Variants in TMED2 observed in about 807,000 individuals in gnomAD.
The protein encoded by TMED2 is transmembrane emp24 domain-containing protein 2.
TMED2 carries 3 observed loss-of-function variants against 17.5 expected under a neutral mutation model. The ratio of observed to expected loss-of-function variants is 0.17; its 90% confidence interval spans 0.08 to 0.44. The LOEUF is 0.44. TMED2 is among the 20% of genes least tolerant of loss of function. The pLI is 0.99. For synonymous variants in TMED2, 95 were observed against 91.0 expected (o/e 1.04, Z -0.25); for missense variants, 149 against 254.8 (o/e 0.58, Z 2.83).
chr12:123,586,274 G>C (rs546673019), intron 1 of TMED2: 1 of 152,442 alleles, frequency 6.6e-6, no homozygotes, highest in South Asian at 2.1e-4. Flanking sequence ...TATAAAGTGG[G>C]AGAATTGCAG....
chr12:123,596,460 C>A, intron 3 of TMED2, 145 bp from the exon 4 acceptor site: 1 of 1,038,300 alleles, frequency 9.6e-7, no homozygotes, highest in Non-Finnish European at 1.3e-6. Flanking sequence ...GGGATGTAAC[C>A]CCATCGTAAG....
chr12:123,594,599 A>T (rs1478020583), intron 3 of TMED2, among the ~76,000 whole-genome samples: 1 of 151,966 alleles, frequency 6.6e-6, no homozygotes, highest in Non-Finnish European at 1.5e-5. Context: ...AAAAAATAAA[A>T]TAAATTGGCC....
Position 123,596,693 on chromosome 12 carries a change from C to T in TMED2, c.570C>T (p.Tyr190=). 6.2e-7 allele frequency: 1 copy of T among 1,610,536 alleles called. No individual in the cohort carries two copies. Among genetic ancestry groups the T allele is most frequent in the Middle Eastern group, 1.7e-4 (1 of 6,054 alleles). Reference sequence around the variant, plus strand: ...CCATGACATTGGGACAGATCTACTACCTGAAGAGATTTTTTGAAGTCCGGA... The same window carrying T: ...CCATGACATTGGGACAGATCTACTATCTGAAGAGATTTTTTGAAGTCCGGA... ...LVAMTLGQIY[Y]LKRFFEVRRV... The change falls in exon 4 of 4, where the codon TAC becomes TAT. Residue 190 remains tyrosine (Y), a synonymous_variant. Coordinates refer to ENST00000262225, the MANE Select transcript of TMED2 (RefSeq NM_006815.4).
At chr12:123,585,834 TC>T (rs1180859908) in intron 1 of TMED2, 1 of 152,242 alleles carries the variant, frequency 6.6e-6, no homozygotes, top group East Asian at 1.9e-4. Flanking sequence ...GCTAGTCCTT[TC>T]CCCTAAGCCT....
At chr12:123,593,292 GC>G (rs1396565829) in intron 3 of TMED2, among the ~76,000 whole-genome samples, 2 of 151,660 alleles carry the variant, frequency 1.3e-5, no homozygotes, top group African/African-American at 4.8e-5. Flanking sequence ...TTGCTCTGTT[GC>G]CCAGGCTGGA....
At chr12:123,595,058 A>G (rs969344605) in intron 3 of TMED2, among the ~76,000 whole-genome samples, 4 of 151,934 alleles carry the variant, frequency 2.6e-5, no homozygotes, top group South Asian at 2.1e-4. Context: ...GTGAAGCCCT[A>G]TCTCTACTAA....
intron 2 of TMED2, 171 bp downstream of exon 2, chr12:123,587,110 C>A: frequency 1.8e-6 from 1 of 543,568 alleles, no homozygotes; most frequent in Non-Finnish European, 3.0e-6. Flanking sequence ...AAAAAAGTTT[C>A]TTGAGGCTAG....
At position 123,586,953 on chromosome 12, in the gene TMED2, T is replaced by C; in HGVS notation, c.373+14T>C. The C allele has an allele frequency of 6.4e-7, 1 of 1,571,716 alleles. No homozygotes were observed. Among genetic ancestry groups the C allele is most frequent in the Non-Finnish European group, 8.6e-7 (1 of 1,156,832 alleles). ...TGGAAACAGAAGGTGAGATGAACAT[T>C]CAGAAGATTTACATCACATTCCAAG... On this transcript the variant is annotated intron_variant, in intron 2 of 3. Coordinates refer to ENST00000262225, the MANE Select transcript of TMED2 (RefSeq NM_006815.4).
intron 1 of TMED2, chr12:123,585,578 G>A (rs1291927681): frequency 6.6e-6 from 1 of 152,210 alleles, no homozygotes; most frequent in African/African-American, 2.4e-5. Flanking sequence ...TTGGGTCTAA[G>A]GAGTTTCCAT....
chr12:123,588,005 C>T (rs1385180493), intron 2 of TMED2, among the ~76,000 whole-genome samples: 1 of 152,094 alleles, frequency 6.6e-6, no homozygotes, highest in African/African-American at 2.4e-5. Context: ...GACTTCTTAA[C>T]CTGAAGCTTA....
rs1458871074 is a variant in TMED2, at chr12:123,586,783, G to A, written c.217G>A (p.Asp73Asn). 4 of 1,608,366 alleles carry A rather than the reference G, an allele frequency of 2.5e-6. No homozygotes were observed. In the African/African-American group the frequency reaches 5.4e-5, roughly 22 times the overall value. The change falls in exon 2 of 4, where the codon GAC becomes AAC. Residue 73 changes from aspartate to asparagine, a missense_variant. Asp to Asn is a conservative substitution (Grantham distance 23). Coordinates refer to ENST00000262225, the MANE Select transcript of TMED2 (RefSeq NM_006815.4). ...GPDNKGIYKG[D>N]RESSGKYTFA... The stretch of plus-strand genomic sequence containing the variant: ...AGATAACAAAGGAATTTACAAAGGA[G>A]ACAGAGAATCCAGTGGGAAATACAC...
Position 123,584,567 on chromosome 12 carries a change from C to CGGCGGCGGCGGG in TMED2, c.-59_-58insGGGCGGCGGCGG. On this transcript the variant is annotated 5_prime_UTR_variant, in exon 1 of 4. Transcript: ENST00000262225. ...GGCGGTGGCTGAGAAGGCAGCGGGG[C>CGGCGGCGGCGGG]GGCGGCGGCGGCGGCGGCGGCGGCT... 2 of 7,002 alleles carry CGGCGGCGGCGGG rather than the reference C, an allele frequency of 2.9e-4. No individual in the cohort carries two copies. Among genetic ancestry groups the CGGCGGCGGCGGG allele is most frequent in the Non-Finnish European group, 8.1e-4 (2 of 2,458 alleles). 0.4% of individuals were successfully genotyped at this position (7,002 alleles called of 1,614,324 possible).
chr12:123,594,901 T>A (rs1484426046), intron 3 of TMED2, among the ~76,000 whole-genome samples: 1 of 142,894 alleles, frequency 7.0e-6, no homozygotes, highest in African/African-American at 2.6e-5. Context: ...ACATAAAAAA[T>A]AAAATAATAA....
Position 123,596,763 on chromosome 12 carries a change from C to A in TMED2, c.*34C>A. On this transcript the variant is annotated 3_prime_UTR_variant, in exon 4 of 4. Transcript: ENST00000262225. ...TTCCTGATGATCCCAACTCAGAATT[C>A]ACTGTTTACCAAACACCTTGGTCAT... 6.4e-7 allele frequency: 1 copy of A among 1,567,618 alleles called. No individual in the cohort carries two copies. Among genetic ancestry groups the A allele is most frequent in the South Asian group, 1.2e-5 (1 of 82,626 alleles).
At position 123,598,378 on chromosome 12, in the gene TMED2, T is replaced by TG. The variant is rs1309361542; in HGVS notation, c.*1652dup. The stretch of plus-strand genomic sequence containing the variant: ...CTAAAATCTTAAGTATTTTTCTATT[T>TG]GGGAAAAAAGGGTTGAATTATTTTC... On this transcript the variant is annotated 3_prime_UTR_variant, in exon 4 of 4. Coordinates refer to ENST00000262225, the MANE Select transcript of TMED2 (RefSeq NM_006815.4). 1 of 152,122 alleles carries TG rather than the reference T, an allele frequency of 6.6e-6. No homozygotes were observed. The highest frequency in any genetic ancestry group is 2.4e-5 in the African/African-American group (1 of 41,438). The allele number at this position is 152,122 out of a possible 1,614,324, so 9.4% of individuals were successfully genotyped here.
At chr12:123,592,365 T>C (rs1408293999) in intron 3 of TMED2, among the ~76,000 whole-genome samples, 6 of 152,240 alleles carry the variant, frequency 3.9e-5, no homozygotes, top group African/African-American at 1.4e-4. Flanking sequence ...TCCTCTACTT[T>C]GCAATTTTAA....
chr12:123,587,329 T>G (rs773604284), intron 2 of TMED2, among the ~76,000 whole-genome samples: 11 of 152,174 alleles, frequency 7.2e-5, no homozygotes, highest in Non-Finnish European at 1.5e-4. Flanking sequence ...GGTTTCACCA[T>G]GTTGGCCAGG....
chr12:123,592,875 G>A (rs1004085902), intron 3 of TMED2, among the ~76,000 whole-genome samples: 16 of 152,172 alleles, frequency 1.1e-4, no homozygotes, highest in African/African-American at 3.9e-4. Context: ...TTTGAGACCA[G>A]CCTGGCCAAC....
intron 3 of TMED2, among the ~76,000 whole-genome samples, chr12:123,596,135 A>G (rs4930712): frequency 0.2 from 31,093 of 152,186 alleles, 3,583 homozygotes; most frequent in Middle Eastern, 0.29. Flanking sequence ...GATGGTGCAA[A>G]AGTGATGTGC....
Sources: allele counts gnomAD v4.1 joint callset (sites outside exome capture counted in the v4.1 genomes callset), GRCh38; gene constraint gnomAD v4.1.1; transcripts MANE v1.5; gene names NCBI Gene and HGNC (gene_info 2026-07-23, HGNC 2026-07-21).